ANKMY1: variants seen among roughly 807,000 people sequenced by gnomAD.
ANKMY1 encodes the protein ankyrin repeat and MYND domain containing 1.
ANKMY1 carries 98 observed loss-of-function variants against 102.0 expected under a neutral mutation model. That is an observed-to-expected ratio of 0.96 (90% CI 0.82 to 1.14). The LOEUF is 1.14. ANKMY1 is among the 50% of genes most tolerant of loss of function. The pLI is 0.00. For missense variants in ANKMY1, 1,330 were observed against 1,347.6 expected (o/e 0.99, Z 0.20); for synonymous variants, 582 against 559.9 (o/e 1.04, Z -0.56).
chr2:240,499,361 T>A lies in ANKMY1; in HGVS notation c.2806+597A>T, dbSNP rs1574965377. Among the ~76,000 whole-genome samples, 1 of 42,532 alleles carries A rather than the reference T, an allele frequency of 2.4e-5. No individual in the cohort carries two copies. The highest frequency in any genetic ancestry group is 4.6e-5 in the Non-Finnish European group (1 of 21,786). 27.9% of individuals were successfully genotyped at this position (42,532 alleles called of 152,430 possible). ...GGGGGTATGTGGGGGTGGGGGTGAG[T>A]AGGTGGGTGGGGATGTGGGGGTAGG... is the stretch of plus-strand genomic sequence containing the variant. On this transcript the variant is annotated intron_variant, in intron 15 of 17. Coordinates refer to ENST00000401804, the MANE Select transcript of ANKMY1 (RefSeq NM_001282771.3). The surrounding 1 kb of genome is among the most constrained non-coding windows in gnomAD (Gnocchi z 4.2).
At chr2:240,482,306 G>A in intron 15 of ANKMY1, 45 bp from the exon 16 acceptor site, 3 of 1,573,838 alleles carry the variant, frequency 1.9e-6, no homozygotes, top group Non-Finnish European at 2.6e-6. Context: ...TGGCAGGGTG[G>A]GGGCCACCAC....
intron 15 of ANKMY1, among the ~76,000 whole-genome samples, chr2:240,493,668 G>C (rs747616235): frequency 5.3e-5 from 8 of 152,124 alleles, no homozygotes; most frequent in Non-Finnish European, 7.4e-5. Flanking sequence ...GGAGGCTGTG[G>C]CAAGGTTGTG....
intron 15 of ANKMY1, among the ~76,000 whole-genome samples, chr2:240,495,122 C>T (rs894352859): frequency 2.6e-5 from 4 of 152,192 alleles, no homozygotes; most frequent in Non-Finnish European, 4.4e-5. Context: ...GACAGGGCCA[C>T]CAGAGGGCTC....
rs370131783 is a variant in ANKMY1 at position 240,525,698 on chromosome 2, A to G, written c.1322T>C (p.Ile441Thr). 1.2e-6 allele frequency: 2 copies of G among 1,614,080 alleles called. No individual in the cohort carries two copies. Among genetic ancestry groups the G allele is most frequent in the South Asian group, 1.1e-5 (1 of 91,084 alleles). ...CGGGGGGCTTACCTGGGGCTCAGGT[A>G]TGGTCCGTTCAGCAACATTGGGCTT... Reference protein sequence around the residue: ...SFKPNVAERTIPEPQEPPKFP... With the variant: ...SFKPNVAERTTPEPQEPPKFP... The change falls in exon 7 of 18, where the codon ATA becomes ACA. Residue 441 changes from isoleucine to threonine, a missense_variant. Ile to Thr is a moderately conservative substitution (Grantham distance 89). Coordinates refer to ENST00000401804, the MANE Select transcript of ANKMY1 (RefSeq NM_001282771.3).
intron 12 of ANKMY1, chr2:240,507,894 G>A: frequency 1.9e-6 from 1 of 519,046 alleles, no homozygotes; most frequent in Middle Eastern, 5.4e-4. Context: ...GGGCGGGGAG[G>A]GGTCCCATGG....
At chr2:240,560,460 A>G, upstream of ANKMY1, 2 of 577,002 alleles carry the variant, frequency 3.5e-6, no homozygotes, top group Non-Finnish European at 5.2e-6. Flanking sequence ...CGCCCTGGTG[A>G]GGCCCAAACC....
rs2079643010 is a variant in ANKMY1 at position 240,509,212 on chromosome 2, G to T, written c.2394+136C>A. ...GGATAGATGGGTGGGTGAGTGGATG[G>T]GTGGATGGATGAATGGATGGATGGA... On this transcript the variant is annotated intron_variant, in intron 12 of 17. Coordinates refer to ENST00000401804, the MANE Select transcript of ANKMY1 (RefSeq NM_001282771.3). The T allele has an allele frequency of 5.9e-6, 4 of 672,964 alleles. No individual in the cohort carries two copies. In the South Asian group the frequency reaches 8.0e-5, roughly 13 times the overall value. 41.7% of individuals were successfully genotyped at this position (672,964 alleles called of 1,614,324 possible).
At chr2:240,544,214 G>C (rs1416117307) in intron 4 of ANKMY1, among the ~76,000 whole-genome samples, 1 of 152,096 alleles carries the variant, frequency 6.6e-6, no homozygotes, top group African/African-American at 2.4e-5. Context: ...TTTTTCATGA[G>C]AAAGAAATCT....
intron 14 of ANKMY1, 99 bp from the exon 15 acceptor site, chr2:240,500,222 T>C: frequency 7.1e-7 from 1 of 1,406,798 alleles, no homozygotes; most frequent in Non-Finnish European, 9.4e-7. Context: ...TCTTGTGATA[T>C]ATAACTGAGG....
chr2:240,473,820 T>C, the ANKMY1 span, among the ~76,000 whole-genome samples: 1 of 152,138 alleles, frequency 6.6e-6, no homozygotes, highest in Non-Finnish European at 1.5e-5. Context: ...CAACATCCTG[T>C]TTCGGTAAAA....
intron 8 of ANKMY1, among the ~76,000 whole-genome samples, chr2:240,521,552 T>TGCAG (rs1168720713): frequency 7.9e-6 from 1 of 126,408 alleles, no homozygotes; most frequent in Non-Finnish European, 1.5e-5. Context: ...CAGGCTGGAG[T>TGCAG]GCAGTGGCGC....
rs2075490855 is a variant in ANKMY1, at chr2:240,482,267, TGA to T, written c.2807-8_2807-7del. ...GTGGCTGGGGATCAGCTCCGCTGCA[TGA>T]GAGAGGGTCCCGCATTAGTACCCAC... On this transcript the variant is annotated splice_region_variant and splice_polypyrimidine_tract_variant and intron_variant, in intron 15 of 17. Coordinates refer to ENST00000401804, the MANE Select transcript of ANKMY1 (RefSeq NM_001282771.3). 1.2e-6 allele frequency: 2 copies of T among 1,609,988 alleles called. No individual in the cohort carries two copies. The highest frequency in any genetic ancestry group is 1.7e-6 in the Non-Finnish European group (2 of 1,178,434).
chr2:240,539,156 CTT>C (rs1249873017), intron 4 of ANKMY1, among the ~76,000 whole-genome samples: 1 of 152,122 alleles, frequency 6.6e-6, no homozygotes, highest in Admixed American at 6.6e-5. Context: ...TTCTTTCGCT[CTT>C]TGCAATACAT....
chr2:240,559,976 A>G (rs1232367326), upstream of ANKMY1: 1 of 152,396 alleles, frequency 6.6e-6, no homozygotes, highest in African/African-American at 2.4e-5. Flanking sequence ...AATTTCATGG[A>G]CATTAAGTGA....
Position 240,509,381 on chromosome 2 carries a change from C to T in ANKMY1, c.2361G>A (p.Pro787=), listed in dbSNP as rs113537399. 2,943 of 1,613,336 alleles carry T rather than the reference C, an allele frequency of 1.8e-3. 33 individuals are homozygous for T. The African/African-American group carries it at 0.029, about 16-fold the overall frequency. Residue 787 remains proline, a synonymous_variant, in exon 12 of 18, where the codon CCG becomes CCA. Coordinates refer to ENST00000401804, the MANE Select transcript of ANKMY1 (RefSeq NM_001282771.3). ...TCCCACTGGCAATGGACAGGGAGAG[C>T]GGGGAGTGGCCACTCCACAGCAGGT... is the stretch of plus-strand genomic sequence containing the variant. ...NPNLLWSGHS[P]LSLSIASGNE... is the part of the protein sequence containing the mutation.
chr2:240,531,781 G>T (rs2085453887), intron 4 of ANKMY1, among the ~76,000 whole-genome samples: 2 of 152,174 alleles, frequency 1.3e-5, no homozygotes, highest in Non-Finnish European at 2.9e-5. Flanking sequence ...GGGGATGATA[G>T]AAATATTCTA....
At chr2:240,468,875 G>A in the ANKMY1 span, among the ~76,000 whole-genome samples, 1 of 152,154 alleles carries the variant, frequency 6.6e-6, no homozygotes, top group South Asian at 2.1e-4. Context: ...CTCCGGGCAG[G>A]ACGAAGGGCT....
chr2:240,500,666 C>T, intron 13 of ANKMY1, 101 bp from the exon 14 acceptor site: 6 of 955,054 alleles, frequency 6.3e-6, no homozygotes, highest in Non-Finnish European at 9.7e-6. Context: ...GCAGTCCCCA[C>T]CAAGGCCGCC....
chr2:240,523,449 T>G (rs961415539), intron 8 of ANKMY1: 10 of 180,088 alleles, frequency 5.6e-5, no homozygotes, highest in Non-Finnish European at 1.2e-4. Flanking sequence ...CCCCCGGGGG[T>G]GCATAGACCA....
Sources: gnomAD v4.1 joint callset for allele counts (sites outside exome capture counted in the v4.1 genomes callset) on GRCh38, gnomAD v4.1.1 for gene constraint, Gnocchi (gnomAD v3.1) non-coding constraint, MANE v1.5 for transcripts, NCBI Gene and HGNC (gene_info 2026-07-23, HGNC 2026-07-21) for gene names.